STON1: variants seen among roughly 807,000 people sequenced by gnomAD.
STON1 encodes stonin-1.
STON1 carries 79 observed loss-of-function variants against 60.9 expected under a neutral mutation model. The observed-to-expected ratio is 1.30, with a 90% CI of 1.08 to 1.56. The LOEUF is 1.56. Among genes scored for constraint, STON1 ranks in the 40% most tolerant of loss-of-function variants. The pLI is 0.00. For synonymous variants in STON1, 363 were observed against 306.9 expected (o/e 1.18, Z -1.91); for missense variants, 1,166 against 858.9 (o/e 1.36, Z -4.47).
intron 1 of STON1, among the ~76,000 whole-genome samples, chr2:48,563,262 A>T (rs1455902935): frequency 6.6e-6 from 1 of 152,172 alleles, no homozygotes; most frequent in Non-Finnish European, 1.5e-5. Flanking sequence ...GGCTGTGATG[A>T]GAGCTGCCAG....
At chr2:48,578,189 C>G (rs886328149) in intron 1 of STON1, among the ~76,000 whole-genome samples, 18 of 152,168 alleles carry the variant, frequency 1.2e-4, no homozygotes, top group African/African-American at 2.9e-4. Flanking sequence ...GTTGGCCATG[C>G]TGGCCTTGGA....
At chr2:48,588,598 G>A (rs1674341172) in intron 2 of STON1, among the ~76,000 whole-genome samples, 1 of 152,120 alleles carries the variant, frequency 6.6e-6, no homozygotes, top group African/African-American at 2.4e-5. Flanking sequence ...CAACCCACCC[G>A]CCTTGGCCTT....
chr2:48,582,488 G>A lies in STON1; in HGVS notation c.1855G>A (p.Val619Met), dbSNP rs771669182. The A allele has an allele frequency of 3.1e-6, 5 of 1,614,072 alleles. No homozygotes were observed. The highest frequency in any genetic ancestry group is 2.2e-5 in the East Asian group (1 of 44,902). The change falls in exon 2 of 4, where the codon GTG becomes ATG. Residue 619 changes from valine to methionine, a missense_variant. Coordinates refer to ENST00000404752, the MANE Select transcript of STON1 (RefSeq NM_006873.4). ...LESEPVIQVT[V>M]GSAKYESAYQ... ...ATCTGAACCTGTCATTCAAGTCACT[G>A]TGGGGTCAGCAAAATATGAGAGTGC... is the stretch of plus-strand genomic sequence containing the variant.
At chr2:48,540,654 G>C (rs1671615473) in intron 1 of STON1, among the ~76,000 whole-genome samples, 1 of 152,208 alleles carries the variant, frequency 6.6e-6, no homozygotes. Flanking sequence ...CCTGAGTTCT[G>C]TGAGCTGCTC....
At chr2:48,574,757 C>T (rs1374037649) in intron 1 of STON1, among the ~76,000 whole-genome samples, 2 of 147,880 alleles carry the variant, frequency 1.4e-5, no homozygotes, top group African/African-American at 4.9e-5. Context: ...TTAATCTTCT[C>T]CTCCTGTGTT....
At chr2:48,595,179 G>A in intron 3 of STON1, 49 bp from the exon 4 acceptor site, 1 of 1,411,092 alleles carries the variant, frequency 7.1e-7, no homozygotes, top group Admixed American at 1.7e-5. Flanking sequence ...AGGTGTGAGT[G>A]CTGTGTTGCA....
chr2:48,558,068 C>T (rs1371046703), intron 1 of STON1, among the ~76,000 whole-genome samples: 2 of 152,088 alleles, frequency 1.3e-5, no homozygotes, highest in Non-Finnish European at 2.9e-5. Flanking sequence ...ACCAAAAATA[C>T]AAAAATTAGC....
intron 1 of STON1, among the ~76,000 whole-genome samples, chr2:48,555,520 A>G (rs750566982): frequency 6.4e-5 from 2 of 31,128 alleles, no homozygotes; most frequent in Non-Finnish European, 1.2e-4. Context: ...CACCTCCCTC[A>G]CGGACGAGGC....
Position 48,556,179 on chromosome 2 carries a change from C to T in STON1, c.-47-24408C>T, listed in dbSNP as rs868141311. On this transcript the variant is annotated intron_variant, in intron 1 of 3. Coordinates refer to ENST00000404752, the MANE Select transcript of STON1 (RefSeq NM_006873.4). Reference sequence around the variant, plus strand: ...TGGCCGGGCGGGGCGCTGACCCCCCCACCTCCCTCCTGGACGGGGCGGCTG... The same window carrying T: ...TGGCCGGGCGGGGCGCTGACCCCCCTACCTCCCTCCTGGACGGGGCGGCTG... 2.4e-3 allele frequency among the ~76,000 whole-genome samples: 60 copies of T among 24,664 alleles called. 4 individuals are homozygous for T. The highest frequency in any genetic ancestry group is 8.4e-3 in the African/African-American group (58 of 6,914). 16.2% of individuals were successfully genotyped at this position (24,664 alleles called of 152,430 possible). A position where few individuals can be genotyped will look rare whatever the true frequency, so the allele number is the denominator to read the frequency against.
At chr2:48,553,317 G>C (rs1329267639) in intron 1 of STON1, among the ~76,000 whole-genome samples, 1 of 152,020 alleles carries the variant, frequency 6.6e-6, no homozygotes, top group Admixed American at 6.6e-5. Flanking sequence ...AGACAGAAAG[G>C]CAGCTTCAGG....
At chr2:48,588,700 T>A (rs973112695) in intron 2 of STON1, among the ~76,000 whole-genome samples, 27 of 152,188 alleles carry the variant, frequency 1.8e-4, no homozygotes, top group African/African-American at 6.0e-4. Flanking sequence ...AAACTTTTTT[T>A]TAAATTTTTT....
At chr2:48,589,057 T>A (rs1674370823) in intron 2 of STON1, among the ~76,000 whole-genome samples, 1 of 152,156 alleles carries the variant, frequency 6.6e-6, no homozygotes, top group Non-Finnish European at 1.5e-5. Context: ...TGGCACAGAA[T>A]TATTAAGGGG....
chr2:48,587,761 A>G (rs573930320), intron 2 of STON1, among the ~76,000 whole-genome samples: 1 of 152,356 alleles, frequency 6.6e-6, no homozygotes, highest in African/African-American at 2.4e-5. Context: ...TCAATTACAC[A>G]GTGATAATTC....
intron 1 of STON1, among the ~76,000 whole-genome samples, chr2:48,569,768 A>C (rs1019870413): frequency 6.6e-6 from 1 of 152,216 alleles, no homozygotes; most frequent in Non-Finnish European, 1.5e-5. Context: ...TTACAGGTTG[A>C]GTATCCTTTA....
At chr2:48,569,676 T>C (rs906822300) in intron 1 of STON1, among the ~76,000 whole-genome samples, 1 of 152,254 alleles carries the variant, frequency 6.6e-6, no homozygotes, top group Non-Finnish European at 1.5e-5. Context: ...AGATTTTATC[T>C]TCAAATTCCT....
In STON1 at chr2:48,582,248, G is replaced by A. The variant is rs769443548; in HGVS notation, c.1615G>A (p.Ala539Thr). ...SLKSVVVVQG[A>T]YVELQAFVNM... The stretch of plus-strand genomic sequence containing the variant: ...GAAGTCTGTAGTGGTTGTCCAGGGA[G>A]CATACGTGGAACTTCAGGCTTTTGT... Residue 539 changes from alanine (A) to threonine (T), a missense_variant, in exon 2 of 4, where the codon GCA becomes ACA. Ala to Thr is a moderately conservative substitution (Grantham distance 58). Transcript: ENST00000404752. 6.2e-7 allele frequency: 1 copy of A among 1,614,184 alleles called. No individual in the cohort carries two copies. The highest frequency in any genetic ancestry group is 8.5e-7 in the Non-Finnish European group (1 of 1,180,042).
intron 1 of STON1, among the ~76,000 whole-genome samples, chr2:48,564,405 G>GTCTTCTTCCTCTTCTTCT (rs1558603784): frequency 1.9e-4 from 16 of 82,938 alleles, no homozygotes; most frequent in African/African-American, 2.3e-4. Context: ...CAGTGGCGGT[G>GTCTTCTTCCTCTTCTTCT]TCTTCTTCTT....
intron 1 of STON1, among the ~76,000 whole-genome samples, chr2:48,536,547 T>TA (rs540312014): frequency 0.015 from 1,535 of 102,452 alleles, 16 homozygotes; most frequent in Middle Eastern, 0.053. Flanking sequence ...GATGCCATCT[T>TA]AAAAAAAAAA....
At chr2:48,584,709 C>G (rs2103930445) in intron 2 of STON1, among the ~76,000 whole-genome samples, 1 of 152,268 alleles carries the variant, frequency 6.6e-6, no homozygotes, top group African/African-American at 2.4e-5. Context: ...AAGATCTCTC[C>G]AGATACAAGG....
Sources: allele counts gnomAD v4.1 joint callset (sites outside exome capture counted in the v4.1 genomes callset), GRCh38; gene constraint gnomAD v4.1.1; transcripts MANE v1.5; gene names NCBI Gene and HGNC (gene_info 2026-07-23, HGNC 2026-07-21).